Variants in SDR16C5 observed in about 807,000 individuals in gnomAD.
SDR16C5 encodes the protein short chain dehydrogenase/reductase family 16C member 5, also known as epidermal retinol dehydrogenase 2.
A neutral mutation model predicts 27.7 loss-of-function variants in SDR16C5; 20 were observed. The ratio of observed to expected loss-of-function variants is 0.72; its 90% CI spans 0.51 to 1.05. The LOEUF (loss-of-function observed/expected upper bound fraction) is 1.05. Ranked by LOEUF, SDR16C5 falls within the 50% of genes least tolerant of loss-of-function variation. SDR16C5 has a pLI of 0.00. For missense variants in SDR16C5, 374 were observed against 366.3 expected (o/e 1.02, Z -0.17); for synonymous variants, 139 against 132.3 (o/e 1.05, Z -0.35).
chr8:56,304,518 G>T (rs568564897), intron 6 of SDR16C5, among the ~76,000 whole-genome samples: 1 of 151,968 alleles, frequency 6.6e-6, no homozygotes, highest in Non-Finnish European at 1.5e-5. Flanking sequence ...AGCAGGGAAG[G>T]GTGCACAAGA....
chr8:56,309,540 G>A (rs891352201), intron 3 of SDR16C5: 38 of 984,902 alleles, frequency 3.9e-5, no homozygotes, highest in Non-Finnish European at 4.6e-5. Context: ...TTAGAAAGAG[G>A]ACACATCTGT....
At chr8:56,302,369 C>A (rs1814778739) in intron 6 of SDR16C5, among the ~76,000 whole-genome samples, 1 of 152,164 alleles carries the variant, frequency 6.6e-6, no homozygotes, top group African/African-American at 2.4e-5. Flanking sequence ...CCACCAAACA[C>A]CATTCTTAAA....
Position 56,306,780 on chromosome 8 carries a change from T to C in SDR16C5, c.606A>G (p.Glu202=). 1 of 1,613,422 alleles carries C rather than the reference T, an allele frequency of 6.2e-7. No homozygotes were observed. The highest frequency in any genetic ancestry group is 8.5e-7 in the Non-Finnish European group (1 of 1,179,856). Residue 202 remains glutamate (E), a synonymous_variant, in exon 5 of 7, where the codon GAA becomes GAG. Coordinates refer to ENST00000303749, the MANE Select transcript of SDR16C5 (RefSeq NM_138969.4). ...ASKFAAFGFA[E]SVFVETFVQK... is the part of the protein sequence containing the mutation. ...GGACAAATGTTTCTACAAATACAGA[T>C]TCAGCAAACCCAAAGGCTGCAAATT... is the stretch of plus-strand genomic sequence containing the variant.
At chr8:56,311,018 T>G (rs1402616126) in intron 3 of SDR16C5, among the ~76,000 whole-genome samples, 1 of 152,158 alleles carries the variant, frequency 6.6e-6, no homozygotes, top group East Asian at 1.9e-4. Flanking sequence ...TGAAGGCTGC[T>G]AAAGAAGACT....
At chr8:56,317,377 C>T (rs549506669) in intron 1 of SDR16C5, among the ~76,000 whole-genome samples, 35 of 152,162 alleles carry the variant, frequency 2.3e-4, no homozygotes, top group Non-Finnish European at 4.1e-4. Context: ...GTTACTCACA[C>T]TTTAGTGTGA....
rs1347691766 is a variant in SDR16C5 at position 56,306,775 on chromosome 8, A to T, written c.611T>A (p.Val204Glu). 3.7e-6 allele frequency: 6 copies of T among 1,613,504 alleles called. No individual in the cohort carries two copies. Among genetic ancestry groups the T allele is most frequent in the Non-Finnish European group, 5.1e-6 (6 of 1,179,884 alleles). Residue 204 changes from valine to glutamate, a missense_variant, in exon 5 of 7, where the codon GTA (valine) becomes GAA (glutamate). Physicochemically the swap from Val to Glu is moderately radical, Grantham distance 121. Transcript: ENST00000303749. Reference protein sequence around the residue: ...KFAAFGFAESVFVETFVQKQK... With the variant: ...KFAAFGFAESEFVETFVQKQK... ...TTTTTGGACAAATGTTTCTACAAAT[A>T]CAGATTCAGCAAACCCAAAGGCTGC... is the stretch of plus-strand genomic sequence containing the variant.
intron 6 of SDR16C5, among the ~76,000 whole-genome samples, chr8:56,303,290 G>T (rs570516179): frequency 4.0e-5 from 6 of 150,226 alleles, no homozygotes; most frequent in Non-Finnish European, 8.9e-5. Context: ...ACTCCAGCCC[G>T]GGTGATGAGC....
intron 2 of SDR16C5, among the ~76,000 whole-genome samples, chr8:56,314,663 G>A (rs997368788): frequency 1.3e-5 from 2 of 152,174 alleles, no homozygotes; most frequent in African/African-American, 4.8e-5. Context: ...TTTGTCAGGT[G>A]TGGATCTCCA....
rs1814866398 is a variant in SDR16C5 at position 56,305,737 on chromosome 8, G to A, written c.711-15C>T. ...GAGAAGGACAGCTAGGATATAAAAT[G>A]ACAACAATTAAAAAAAACCCTGAAG... On this transcript the variant is annotated splice_polypyrimidine_tract_variant and intron_variant, in intron 5 of 6. Transcript: ENST00000303749. The A allele has an allele frequency of 1.9e-6, 3 of 1,562,120 alleles. No homozygotes were observed. The highest frequency in any genetic ancestry group is 3.4e-4 in the Middle Eastern group (2 of 5,944).
intron 3 of SDR16C5, among the ~76,000 whole-genome samples, chr8:56,310,456 A>G (rs912304823): frequency 1.3e-5 from 2 of 152,078 alleles, no homozygotes; most frequent in African/African-American, 4.8e-5. Context: ...GCAGTGGCTC[A>G]CACCTGTAAT....
chr8:56,310,132 G>A (rs1324780855), intron 3 of SDR16C5, among the ~76,000 whole-genome samples: 1 of 86,618 alleles, frequency 1.2e-5, no homozygotes, highest in Non-Finnish European at 2.2e-5. Context: ...GGAGGAGGAG[G>A]AGGGAGGAGG....
At chr8:56,317,970 C>A (rs548807593) in intron 1 of SDR16C5, among the ~76,000 whole-genome samples, 42 of 152,138 alleles carry the variant, frequency 2.8e-4, no homozygotes, top group Non-Finnish European at 5.1e-4. Flanking sequence ...ATAAACAGAT[C>A]GTTATAAGCC....
chr8:56,315,091 A>G (rs1188052106), intron 2 of SDR16C5, among the ~76,000 whole-genome samples: 2 of 151,978 alleles, frequency 1.3e-5, no homozygotes, highest in Non-Finnish European at 2.9e-5. Context: ...AAAAATACAA[A>G]ACAATTAGCC....
At chr8:56,309,300 A>G (rs1814964617) in intron 3 of SDR16C5, 4 of 984,802 alleles carry the variant, frequency 4.1e-6, no homozygotes, top group Non-Finnish European at 4.8e-6. Flanking sequence ...CACAATATTA[A>G]AACAAGAATT....
At position 56,316,092 on chromosome 8, in the gene SDR16C5, C is replaced by T; in HGVS notation, c.256G>A (p.Glu86Lys). ...GNEETCKMAR[E>K]AGATRVHAYT... is the part of the protein sequence containing the mutation. ...GCGTGCACTCTTGTGGCTCCAGCTT[C>T]CCGAGCCATCTTACATGTTTCCTCA... The change falls in exon 2 of 7, where the codon GAA (glutamate) becomes AAA (lysine). Residue 86 changes from glutamate to lysine, a missense_variant. Transcript: ENST00000303749. 6.2e-7 allele frequency: 1 copy of T among 1,614,152 alleles called. No individual in the cohort carries two copies.
intron 2 of SDR16C5, among the ~76,000 whole-genome samples, chr8:56,313,934 C>A (rs1418535080): frequency 2.6e-5 from 4 of 152,154 alleles, no homozygotes; most frequent in African/African-American, 9.7e-5. Flanking sequence ...ATTGGCCGGG[C>A]GCGGTAGCTC....
intron 6 of SDR16C5, among the ~76,000 whole-genome samples, chr8:56,303,178 G>A (rs1399455495): frequency 6.6e-6 from 1 of 151,902 alleles, no homozygotes; most frequent in Admixed American, 6.6e-5. Flanking sequence ...GCCAGGCATG[G>A]TGATGGGCAC....
chr8:56,312,333 A>C, intron 2 of SDR16C5, 45 bp from the exon 3 acceptor site: 2 of 1,558,568 alleles, frequency 1.3e-6, no homozygotes, highest in Non-Finnish European at 1.8e-6. Flanking sequence ...AATTCCTTAC[A>C]TGGGCTAGGT....
intron 1 of SDR16C5, among the ~76,000 whole-genome samples, chr8:56,318,311 T>C (rs1003780211): frequency 1.3e-5 from 2 of 152,232 alleles, no homozygotes; most frequent in African/African-American, 4.8e-5. Context: ...TCTGTGATCT[T>C]TGCTCTGATT....
Sources: gnomAD v4.1 joint callset for allele counts (sites outside exome capture counted in the v4.1 genomes callset) on GRCh38, gnomAD v4.1.1 for gene constraint, MANE v1.5 for transcripts, NCBI Gene and HGNC (gene_info 2026-07-23, HGNC 2026-07-21) for gene names.